Variants in SMAD2 observed in about 807,000 individuals in gnomAD.
SMAD2 encodes the protein MAD homolog 2.
In SMAD2, 8 loss-of-function variants were observed where a neutral mutation model predicts 64.4. That is an observed-to-expected ratio of 0.12 (90% CI 0.07 to 0.22). SMAD2 has a LOEUF of 0.22. Among genes scored for constraint, SMAD2 ranks in the 10% least tolerant of loss-of-function variants. The pLI is 1.00. For synonymous variants in SMAD2, 203 were observed against 195.8 expected (o/e 1.04, Z -0.31); for missense variants, 289 against 561.2 (o/e 0.51, Z 4.90).
chr18:47,855,839 T>A (rs1385051419), intron 6 of SMAD2, among the ~76,000 whole-genome samples: 1 of 151,988 alleles, frequency 6.6e-6, no homozygotes, highest in South Asian at 2.1e-4. Context: ...ACCACCCATC[T>A]CTCCTGGCCT....
In SMAD2 at chr18:47,820,862, T is replaced by G. The variant is rs1912545402; in HGVS notation, c.*20965A>C. ...TCTATACATATGCTATATATTTGTATATACACGATAGTGTAAATGCTATAC... is the reference window on the plus strand; with the variant it reads ...TCTATACATATGCTATATATTTGTAGATACACGATAGTGTAAATGCTATAC... On this transcript the variant is annotated 3_prime_UTR_variant, in exon 11 of 11. Coordinates refer to ENST00000262160, the MANE Select transcript of SMAD2 (RefSeq NM_005901.6). The G allele has an allele frequency of 6.6e-6, 1 of 151,542 alleles. No homozygotes were observed. The highest frequency in any genetic ancestry group is 6.6e-5 in the Admixed American group (1 of 15,196). 9.4% of individuals were successfully genotyped at this position (151,542 alleles called of 1,614,324 possible). A position where few individuals can be genotyped will look rare whatever the true frequency, so the allele number is the denominator to read the frequency against.
At chr18:47,899,479 T>C (rs1305853535) in intron 1 of SMAD2, among the ~76,000 whole-genome samples, 4 of 152,140 alleles carry the variant, frequency 2.6e-5, no homozygotes, top group African/African-American at 4.8e-5. Context: ...AAAGGTGTCA[T>C]GAATACAAAG....
In SMAD2 at chr18:47,850,219, TGTATAA is replaced by T. The variant is rs1914999603; in HGVS notation, c.784+1049_784+1054del. 6.9e-5 allele frequency among the ~76,000 whole-genome samples: 5 copies of T among 72,714 alleles called. No homozygotes were observed. In the South Asian group the frequency reaches 1.8e-3, roughly 26 times the overall value. The allele number at this position is 72,714 out of a possible 152,430, so 47.7% of individuals were successfully genotyped here. On this transcript the variant is annotated intron_variant, in intron 7 of 10. Transcript: ENST00000262160. ...TAGTATATATATATTATTATATATA[TGTATAA>T]TATATATTATATATTATATATTATA...
chr18:47,896,900 G>T lies in SMAD2; in HGVS notation c.-53-91C>A, dbSNP rs1288526571. 8 of 1,220,968 alleles carry T rather than the reference G, an allele frequency of 6.6e-6. No individual in the cohort carries two copies. The African/African-American group carries it at 1.2e-4, about 18-fold the overall frequency. 75.6% of individuals were successfully genotyped at this position (1,220,968 alleles called of 1,614,324 possible). A position where few individuals can be genotyped will look rare whatever the true frequency, so the allele number is the denominator to read the frequency against. ...TCATAGAAAGCAAACTGCAAAGCAAGATAGAAATTCGAATTATGACTTTCC... is the reference window on the plus strand; with the variant it reads ...TCATAGAAAGCAAACTGCAAAGCAATATAGAAATTCGAATTATGACTTTCC... On this transcript the variant is annotated intron_variant, in intron 1 of 10. Transcript: ENST00000262160.
chr18:47,840,976 T>C lies in SMAD2; in HGVS notation c.*851A>G, dbSNP rs1913888465. 8.6e-6 allele frequency: 2 copies of C among 232,516 alleles called. No individual in the cohort carries two copies. The highest frequency in any genetic ancestry group is 1.7e-5 in the Non-Finnish European group (2 of 117,634). The allele number at this position is 232,516 out of a possible 1,614,324, so 14.4% of individuals were successfully genotyped here. ...ATAAGACAAAGGGACTTTCTCCATA[T>C]GAATTCTTACTGTATCCCAGAATTA... On this transcript the variant is annotated 3_prime_UTR_variant, in exon 11 of 11. Transcript: ENST00000262160.
intron 1 of SMAD2, among the ~76,000 whole-genome samples, chr18:47,903,134 G>C (rs1289962976): frequency 6.6e-6 from 1 of 152,068 alleles, no homozygotes; most frequent in Non-Finnish European, 1.5e-5. Context: ...GGCAAGAAAG[G>C]TGAGAAAAAG....
At chr18:47,864,763 A>G (rs776146141) in intron 6 of SMAD2, among the ~76,000 whole-genome samples, 2 of 152,148 alleles carry the variant, frequency 1.3e-5, no homozygotes, top group Non-Finnish European at 2.9e-5. Flanking sequence ...GGGTTACTAA[A>G]ATTTTCAACA....
intron 1 of SMAD2, among the ~76,000 whole-genome samples, chr18:47,911,351 GAAA>G (rs757456034): frequency 8.4e-6 from 1 of 118,728 alleles, no homozygotes. Context: ...ACTCCATCTG[GAAA>G]AAAAAAAAAA....
At chr18:47,847,700 CAAAAAAAAAA>C (rs58794971) in intron 8 of SMAD2, among the ~76,000 whole-genome samples, 53 of 111,880 alleles carry the variant, frequency 4.7e-4, no homozygotes, top group South Asian at 3.5e-3. Context: ...ATTTCCAAAG[CAAAAAAAAAA>C]AAAAAAAAAA....
intron 2 of SMAD2, among the ~76,000 whole-genome samples, chr18:47,873,345 C>T (rs892404477): frequency 2.0e-5 from 3 of 151,996 alleles, no homozygotes; most frequent in Admixed American, 6.6e-5. Flanking sequence ...GAAAAACATA[C>T]GTCCCTACAC....
intron 2 of SMAD2, among the ~76,000 whole-genome samples, chr18:47,884,930 C>A (rs1455298386): frequency 6.6e-6 from 1 of 152,052 alleles, no homozygotes; most frequent in Non-Finnish European, 1.5e-5. Flanking sequence ...TCTGCTGCCC[C>A]TGAAAAAACA....
At chr18:47,868,520 T>C in intron 4 of SMAD2, 63 bp from the exon 5 acceptor site, 2 of 1,395,956 alleles carry the variant, frequency 1.4e-6, no homozygotes, top group Non-Finnish European at 2.0e-6. Context: ...GGAACCTTTT[T>C]TAAAGTTTTC....
intron 4 of SMAD2, among the ~76,000 whole-genome samples, chr18:47,868,897 T>C (rs1342428594): frequency 6.6e-6 from 1 of 152,182 alleles, no homozygotes; most frequent in Non-Finnish European, 1.5e-5. Context: ...AATGATGTCA[T>C]TAAAGTACTT....
At chr18:47,883,484 T>C (rs189079561) in intron 2 of SMAD2, among the ~76,000 whole-genome samples, 1 of 152,340 alleles carries the variant, frequency 6.6e-6, no homozygotes, top group East Asian at 1.9e-4. Context: ...ATTCTATAAA[T>C]ATCACGTAGG....
At chr18:47,851,473 A>T (rs1362284335) in intron 6 of SMAD2, 146 bp from the exon 7 acceptor site, 2 of 320,720 alleles carry the variant, frequency 6.2e-6, no homozygotes, top group Non-Finnish European at 1.2e-5. Context: ...TAAGTGCTTA[A>T]ATTTAGTTTA....
In SMAD2 at chr18:47,841,533, C is replaced by A. The variant is rs1000209413; in HGVS notation, c.*294G>T. The A allele has an allele frequency of 1.2e-4, 58 of 473,964 alleles. No homozygotes were observed. Among genetic ancestry groups the A allele is most frequent in the South Asian group, 1.2e-3 (57 of 47,192 alleles). The allele number at this position is 473,964 out of a possible 1,614,324, so 29.4% of individuals were successfully genotyped here. A position where few individuals can be genotyped will look rare whatever the true frequency, so the allele number is the denominator to read the frequency against. Reference sequence around the variant, plus strand: ...GATACATTACCTGTACACATAACTACTACTGTTATTAATAAACCTTTGGGA... The same window carrying A: ...GATACATTACCTGTACACATAACTAATACTGTTATTAATAAACCTTTGGGA... On this transcript the variant is annotated 3_prime_UTR_variant, in exon 11 of 11. Transcript: ENST00000262160.
At position 47,832,764 on chromosome 18, in the gene SMAD2, G is replaced by A. The variant is rs573979727; in HGVS notation, c.*9063C>T. 6.6e-6 allele frequency: 1 copy of A among 152,088 alleles called. No individual in the cohort carries two copies. Among genetic ancestry groups the A allele is most frequent in the African/African-American group, 2.4e-5 (1 of 41,408 alleles). The allele number at this position is 152,088 out of a possible 1,614,324, so 9.4% of individuals were successfully genotyped here. A position where few individuals can be genotyped will look rare whatever the true frequency, so the allele number is the denominator to read the frequency against. ...TGAAGATGTTTTTGTTTACAGCATA[G>A]ATCTTATGTATTAGAGCGCTAATGT... On this transcript the variant is annotated 3_prime_UTR_variant, in exon 11 of 11. Coordinates refer to ENST00000262160, the MANE Select transcript of SMAD2 (RefSeq NM_005901.6).
At chr18:47,853,901 A>T (rs997881331) in intron 6 of SMAD2, among the ~76,000 whole-genome samples, 26 of 152,164 alleles carry the variant, frequency 1.7e-4, no homozygotes, top group Non-Finnish European at 3.5e-4. Flanking sequence ...CCACTATTAG[A>T]AATGGAGGAA....
intron 6 of SMAD2, among the ~76,000 whole-genome samples, chr18:47,856,108 T>G (rs771972058): frequency 6.6e-6 from 1 of 151,236 alleles, no homozygotes; most frequent in African/African-American, 2.4e-5. Flanking sequence ...TAGGTGGACA[T>G]AGAAAGACAC....
Sources: gnomAD v4.1 joint callset for allele counts (sites outside exome capture counted in the v4.1 genomes callset) on GRCh38, gnomAD v4.1.1 for gene constraint, MANE v1.5 for transcripts, NCBI Gene and HGNC (gene_info 2026-07-23, HGNC 2026-07-21) for gene names.